DPF3: variants seen among roughly 807,000 people sequenced by gnomAD.
The protein encoded by DPF3 is zinc finger protein DPF3.
Under a neutral mutation model 56.8 loss-of-function variants are expected in DPF3, and 18 were observed. That is an observed-to-expected ratio of 0.32 (90% CI 0.22 to 0.47). The LOEUF (loss-of-function observed/expected upper bound fraction) is 0.47, where lower values mean the gene tolerates loss of function less well. Among genes scored for constraint, DPF3 ranks in the 20% least tolerant of loss-of-function variants. The pLI, the probability that DPF3 is intolerant of heterozygous loss-of-function variation, is 1.00. For synonymous variants in DPF3, 188 were observed against 180.2 expected (o/e 1.04, Z -0.35); for missense variants, 403 against 488.8 (o/e 0.82, Z 1.65).
At chr14:72,782,640 C>T (rs1011450072) in intron 1 of DPF3, among the ~76,000 whole-genome samples, 1 of 152,204 alleles carries the variant, frequency 6.6e-6, no homozygotes, top group Non-Finnish European at 1.5e-5. Flanking sequence ...CGAGATCAGC[C>T]TGGCCAACAC....
rs976414569 is a variant in DPF3, at chr14:72,611,792, G to A, written c.*7505C>T. Among the ~76,000 whole-genome samples the A allele has an allele frequency of 5.3e-5, 8 of 152,116 alleles. No homozygotes were observed. In the East Asian group the frequency reaches 1.4e-3, roughly 26 times the overall value. On this transcript the variant is annotated 3_prime_UTR_variant, in exon 11 of 11. Transcript: ENST00000556509. ...CTGAGGTCATCTGTTTTCTTCCCCC[G>A]ACCCCTCAGCCTCCACAGGGTAGAA...
At chr14:72,771,049 G>A (rs780602926) in intron 2 of DPF3, among the ~76,000 whole-genome samples, 32 of 152,088 alleles carry the variant, frequency 2.1e-4, no homozygotes, top group Admixed American at 4.6e-4. Context: ...GGTGGCGCAC[G>A]CCTGTAATCC....
At chr14:72,870,565 T>C (rs1035638641) in intron 1 of DPF3, among the ~76,000 whole-genome samples, 4 of 152,238 alleles carry the variant, frequency 2.6e-5, no homozygotes, top group African/African-American at 9.6e-5. Context: ...TAAATCTTTC[T>C]TGAAGACTCT....
intron 1 of DPF3, among the ~76,000 whole-genome samples, chr14:72,775,401 G>A (rs144985464): frequency 5.3e-5 from 8 of 152,326 alleles, no homozygotes; most frequent in African/African-American, 1.7e-4. Flanking sequence ...ATCCAGACAA[G>A]AGGAACAAGA....
At chr14:72,713,902 T>C (rs1253565465) in intron 6 of DPF3, among the ~76,000 whole-genome samples, 1 of 152,154 alleles carries the variant, frequency 6.6e-6, no homozygotes, top group Non-Finnish European at 1.5e-5. Flanking sequence ...AGGCTGGAGA[T>C]AGATTGAGGG....
chr14:72,748,035 G>A lies in DPF3; in HGVS notation c.301+5229C>T, dbSNP rs185831226. 4.1e-4 allele frequency among the ~76,000 whole-genome samples: 62 copies of A among 152,338 alleles called. No homozygotes were observed. The East Asian group carries it at 8.9e-3, about 22-fold the overall frequency. On this transcript the variant is annotated intron_variant, in intron 3 of 10. Coordinates refer to ENST00000556509, the MANE Select transcript of DPF3 (RefSeq NM_001280542.3). ...GTGGGGCATTGCTGAAAAGATACCC[G>A]AAAATATGGAAGCAACTTTGCAACT...
intron 3 of DPF3, among the ~76,000 whole-genome samples, chr14:72,752,840 T>C (rs1449798712): frequency 6.6e-6 from 1 of 152,174 alleles, no homozygotes; most frequent in Non-Finnish European, 1.5e-5. Flanking sequence ...CCAAAGCTCA[T>C]ACAGGGTAAG....
At chr14:72,886,629 C>G (rs1886557503) in intron 1 of DPF3, among the ~76,000 whole-genome samples, 1 of 152,100 alleles carries the variant, frequency 6.6e-6, no homozygotes, top group African/African-American at 2.4e-5. Flanking sequence ...TGCTGGAGGT[C>G]AGGGTGACCA....
chr14:72,717,875 C>G (rs1307710084), intron 5 of DPF3, among the ~76,000 whole-genome samples: 1 of 152,204 alleles, frequency 6.6e-6, no homozygotes, highest in Non-Finnish European at 1.5e-5. Flanking sequence ...TACTTCATTC[C>G]TCTCTACCAG....
chr14:72,697,401 G>A (rs757314178), intron 6 of DPF3, among the ~76,000 whole-genome samples: 1 of 152,198 alleles, frequency 6.6e-6, no homozygotes, highest in African/African-American at 2.4e-5. Context: ...GAGGGGACAG[G>A]AAACTGGCTT....
chr14:72,808,024 C>T (rs1882865844), intron 1 of DPF3, among the ~76,000 whole-genome samples: 1 of 152,140 alleles, frequency 6.6e-6, no homozygotes, highest in Admixed American at 6.5e-5. Context: ...CCCTCCCTCC[C>T]TGAGGGTCAC....
intron 8 of DPF3, among the ~76,000 whole-genome samples, chr14:72,673,578 A>G (rs1204245635): frequency 1.3e-5 from 2 of 152,226 alleles, no homozygotes; most frequent in Admixed American, 1.3e-4. Context: ...AACAAGACCA[A>G]AAGTCTCTTT....
At chr14:72,770,271 G>A (rs1891468772) in intron 2 of DPF3, among the ~76,000 whole-genome samples, 1 of 152,088 alleles carries the variant, frequency 6.6e-6, no homozygotes, top group South Asian at 2.1e-4. Flanking sequence ...AATCCTTCTG[G>A]GAAACCCTAC....
intron 7 of DPF3, among the ~76,000 whole-genome samples, chr14:72,687,569 C>G (rs1887467457): frequency 6.6e-6 from 1 of 152,172 alleles, no homozygotes; most frequent in African/African-American, 2.4e-5. Context: ...TCCTCTGCAT[C>G]CCCTAAATCC....
intron 1 of DPF3, among the ~76,000 whole-genome samples, chr14:72,857,722 G>A (rs1396551110): frequency 6.6e-6 from 1 of 152,012 alleles, no homozygotes; most frequent in Admixed American, 6.5e-5. Flanking sequence ...GAGCAGCTGG[G>A]ACTACAGGCA....
intron 2 of DPF3, among the ~76,000 whole-genome samples, chr14:72,760,973 A>T (rs1031431263): frequency 6.6e-6 from 1 of 152,116 alleles, no homozygotes; most frequent in Non-Finnish European, 1.5e-5. Context: ...AAATAATATT[A>T]ATAGAGATTA....
chr14:72,695,230 T>C (rs1019366666), intron 6 of DPF3, among the ~76,000 whole-genome samples: 1 of 152,184 alleles, frequency 6.6e-6, no homozygotes, highest in Non-Finnish European at 1.5e-5. Flanking sequence ...GCAGGATGGG[T>C]AAAGGTATTA....
chr14:72,785,495 C>T (rs922110106), intron 1 of DPF3, among the ~76,000 whole-genome samples: 2 of 152,150 alleles, frequency 1.3e-5, no homozygotes, highest in Admixed American at 6.5e-5. Context: ...CTTACAAGGG[C>T]GCCATTACCC....
chr14:72,880,079 T>G, intron 1 of DPF3: 1 of 964,760 alleles, frequency 1.0e-6, no homozygotes, highest in Non-Finnish European at 1.4e-6. Context: ...ACATAGTAAG[T>G]TTTCAGAACT....
Sources: allele counts gnomAD v4.1 joint callset (sites outside exome capture counted in the v4.1 genomes callset), GRCh38; gene constraint gnomAD v4.1.1; transcripts MANE v1.5; gene names NCBI Gene and HGNC (gene_info 2026-07-23, HGNC 2026-07-21).